The following SLC4A5 variants were observed in gnomAD, a reference collection of about 807,000 sequenced individuals.
SLC4A5 encodes solute carrier family 4 member 5, also known as electrogenic sodium bicarbonate cotransporter 4.
A neutral mutation model predicts 120.4 loss-of-function variants in SLC4A5; 96 were observed. The observed-to-expected ratio is 0.80, with a 90% CI of 0.68 to 0.94. The LOEUF (loss-of-function observed/expected upper bound fraction) is 0.94, where lower values mean the gene tolerates loss of function less well. SLC4A5 is among the 40% of genes least tolerant of loss of function. SLC4A5 has a pLI of 0.00. For synonymous variants in SLC4A5, 550 were observed against 571.1 expected, an observed-to-expected ratio of 0.96 and a Z score of 0.53; for missense variants, 1,259 against 1,459.5, an observed-to-expected ratio of 0.86 and a Z score of 2.24.
At chr2:74,334,527 T>C (rs1673437183) in intron 3 of SLC4A5, among the ~76,000 whole-genome samples, 1 of 152,242 alleles carries the variant, frequency 6.6e-6, no homozygotes, top group African/African-American at 2.4e-5. Flanking sequence ...CTCTGGTCAT[T>C]AACTCTGCTT....
intron 6 of SLC4A5, among the ~76,000 whole-genome samples, chr2:74,311,390 G>C (rs897652756): frequency 6.6e-6 from 1 of 151,960 alleles, no homozygotes; most frequent in Non-Finnish European, 1.5e-5. Context: ...TGGGAGCTTA[G>C]GTTGTTGCTT....
chr2:74,256,193 A>G (rs2104009643), intron 12 of SLC4A5, among the ~76,000 whole-genome samples: 1 of 152,132 alleles, frequency 6.6e-6, no homozygotes, highest in Middle Eastern at 3.4e-3. Context: ...GACGGATGAA[A>G]ACGGCTCCAC....
chr2:74,243,949 TGAAAGAGAG>T (rs1223069408), intron 19 of SLC4A5, among the ~76,000 whole-genome samples: 1 of 152,082 alleles, frequency 6.6e-6, no homozygotes, highest in Non-Finnish European at 1.5e-5. Flanking sequence ...AAAAGCAAAT[TGAAAGAGAG>T]TGCCCCCAAA....
intron 5 of SLC4A5, among the ~76,000 whole-genome samples, chr2:74,315,807 A>C (rs1672950452): frequency 6.6e-6 from 1 of 151,894 alleles, no homozygotes; most frequent in South Asian, 2.1e-4. Flanking sequence ...TACGAAAAAG[A>C]AAAAACAAAA....
At chr2:74,248,560 G>A (rs554068228) in intron 17 of SLC4A5, 74 bp from the exon 18 acceptor site, 47 of 1,563,528 alleles carry the variant, frequency 3.0e-5, no homozygotes, top group South Asian at 1.7e-4. Context: ...CAGCCCCAGC[G>A]ATCTCTCCAC....
chr2:74,306,802 G>A, intron 6 of SLC4A5: 2 of 732,612 alleles, frequency 2.7e-6, no homozygotes, highest in Non-Finnish European at 4.6e-6. Context: ...GTGTTCTTTT[G>A]GATGATTTGC....
chr2:74,225,919 G>A (rs556310286), intron 27 of SLC4A5, among the ~76,000 whole-genome samples: 9 of 152,250 alleles, frequency 5.9e-5, no homozygotes, highest in Admixed American at 3.3e-4. Flanking sequence ...TCTGTAAAGC[G>A]GGGTTATTAG....
chr2:74,278,979 T>C (rs1421185651), intron 8 of SLC4A5, among the ~76,000 whole-genome samples: 1 of 152,084 alleles, frequency 6.6e-6, no homozygotes, highest in East Asian at 1.9e-4. Context: ...CGGCCTGGAA[T>C]TCCCTCAACT....
intron 4 of SLC4A5, among the ~76,000 whole-genome samples, chr2:74,333,629 G>A (rs183554464): frequency 1.3e-5 from 2 of 152,338 alleles, no homozygotes; most frequent in African/African-American, 2.4e-5. Flanking sequence ...TTTATGTGAA[G>A]GACTTGAGCA....
intron 8 of SLC4A5, among the ~76,000 whole-genome samples, chr2:74,283,903 T>C (rs1250817507): frequency 1.3e-5 from 2 of 149,952 alleles, no homozygotes; most frequent in Non-Finnish European, 3.0e-5. Flanking sequence ...AATGGCACAA[T>C]CATGGCTCAC....
At chr2:74,269,201 A>G (rs1312046677) in intron 8 of SLC4A5, among the ~76,000 whole-genome samples, 1 of 152,118 alleles carries the variant, frequency 6.6e-6, no homozygotes, top group African/African-American at 2.4e-5. Context: ...ACCAAAGGAT[A>G]AGTTCAAAAT....
At chr2:74,240,165 G>C (rs2103945826) in intron 20 of SLC4A5, among the ~76,000 whole-genome samples, 1 of 151,936 alleles carries the variant, frequency 6.6e-6, no homozygotes, top group African/African-American at 2.4e-5. Flanking sequence ...CCTCTGCACA[G>C]GTTTTGTGCT....
intron 6 of SLC4A5, among the ~76,000 whole-genome samples, chr2:74,305,154 G>A (rs1265910061): frequency 6.6e-6 from 1 of 152,168 alleles, no homozygotes; most frequent in Non-Finnish European, 1.5e-5. Context: ...GTTTCACAAA[G>A]CTGGCTTTGT....
intron 8 of SLC4A5, among the ~76,000 whole-genome samples, chr2:74,275,266 T>C (rs771383643): frequency 2.0e-5 from 3 of 152,062 alleles, no homozygotes; most frequent in Non-Finnish European, 4.4e-5. Context: ...TGGTGAAGGG[T>C]CCATCCTCCT....
In SLC4A5 at chr2:74,225,014, A is replaced by G. The variant is rs1466379382; in HGVS notation, c.3091-19T>C. ...CCAGGATCTGTGGTGGAGAGAGACT[A>G]AAGTTTTGTGAGAATTTGGAGAAAA... On this transcript the variant is annotated intron_variant, in intron 27 of 30. Transcript: ENST00000394019. 4 of 1,596,442 alleles carry G rather than the reference A, an allele frequency of 2.5e-6. No individual in the cohort carries two copies. The highest frequency in any genetic ancestry group is 2.2e-5 in the East Asian group (1 of 44,826).
At chr2:74,295,974 G>C (rs1174276860) in intron 7 of SLC4A5, among the ~76,000 whole-genome samples, 1 of 152,162 alleles carries the variant, frequency 6.6e-6, no homozygotes, top group Non-Finnish European at 1.5e-5. Flanking sequence ...GAGGAGGCTG[G>C]AGTCTATTTT....
chr2:74,261,207 T>TA (rs1271827154), intron 11 of SLC4A5, among the ~76,000 whole-genome samples: 1 of 152,192 alleles, frequency 6.6e-6, no homozygotes, highest in Non-Finnish European at 1.5e-5. Flanking sequence ...TTCCCACCCC[T>TA]AAGCAGTGTC....
At chr2:74,339,975 A>T (rs1045801627) in intron 2 of SLC4A5, among the ~76,000 whole-genome samples, 2 of 152,220 alleles carry the variant, frequency 1.3e-5, no homozygotes, top group African/African-American at 4.8e-5. Flanking sequence ...TTATAGAGGT[A>T]CCTAGAATTG....
chr2:74,225,684 A>G (rs901265422), intron 27 of SLC4A5, among the ~76,000 whole-genome samples: 1 of 152,146 alleles, frequency 6.6e-6, no homozygotes, highest in African/African-American at 2.4e-5. Context: ...TACACAAATC[A>G]CTGGATTCCC....
Sources: allele counts gnomAD v4.1 joint callset (sites outside exome capture counted in the v4.1 genomes callset), GRCh38; gene constraint gnomAD v4.1.1; transcripts MANE v1.5; gene names NCBI Gene and HGNC (gene_info 2026-07-23, HGNC 2026-07-21).